Variants in LPIN2 observed in about 807,000 individuals in gnomAD.
LPIN2 encodes phosphatidate phosphatase LPIN2.
LPIN2 carries 55 observed loss-of-function variants against 111.4 expected under a neutral mutation model. The observed-to-expected ratio is 0.49, with a 90% CI of 0.40 to 0.62. The LOEUF (loss-of-function observed/expected upper bound fraction) is 0.62. Ranked by LOEUF, LPIN2 falls within the 20% of genes least tolerant of loss-of-function variation. The pLI is 0.00. For missense variants in LPIN2, 992 were observed against 1,112.1 expected, an observed-to-expected ratio of 0.89 and a Z score of 1.54; for synonymous variants, 425 against 414.0, an observed-to-expected ratio of 1.03 and a Z score of -0.32.
At chr18:2,977,448 A>T (rs1032396275) in intron 1 of LPIN2, among the ~76,000 whole-genome samples, 2 of 152,246 alleles carry the variant, frequency 1.3e-5, no homozygotes, top group Admixed American at 1.3e-4. Flanking sequence ...AACAATGTGC[A>T]TATCTATGGC....
intron 1 of LPIN2, among the ~76,000 whole-genome samples, chr18:2,989,699 A>T (rs3016724): frequency 0.91 from 139,051 of 152,094 alleles, 64,385 homozygotes; most frequent in East Asian, 1. Flanking sequence ...TGCGGGCAGA[A>T]CACTTGAGGT....
chr18:2,960,073 G>C (rs1296601014), intron 2 of LPIN2, among the ~76,000 whole-genome samples: 1 of 152,112 alleles, frequency 6.6e-6, no homozygotes, highest in Non-Finnish European at 1.5e-5. Context: ...GGGAGGCTGA[G>C]GCAGGAGAAT....
At chr18:2,947,278 G>C (rs527355114) in intron 4 of LPIN2, among the ~76,000 whole-genome samples, 9 of 151,546 alleles carry the variant, frequency 5.9e-5, no homozygotes, top group African/African-American at 2.2e-4. Context: ...TCAAGATTAT[G>C]CTAGAACACC....
chr18:2,967,792 T>G lies in LPIN2; in HGVS notation c.-9-6943A>C, dbSNP rs535193030. 1.1e-4 allele frequency: 16 copies of G among 152,346 alleles called. No individual in the cohort carries two copies. The South Asian group carries it at 3.3e-3, about 32-fold the overall frequency. The allele number at this position is 152,346 out of a possible 1,614,324, so 9.4% of individuals were successfully genotyped here. A position where few individuals can be genotyped will look rare whatever the true frequency, so the allele number is the denominator to read the frequency against. On this transcript the variant is annotated intron_variant, in intron 1 of 19. Coordinates refer to ENST00000677752, the MANE Select transcript of LPIN2 (RefSeq NM_001375808.2). Reference sequence around the variant, plus strand: ...AAATGCCTTACTTTGTACTTCCTGGTTATTTCTTTTCCCCGTCATAGTAGA... The same window carrying G: ...AAATGCCTTACTTTGTACTTCCTGGGTATTTCTTTTCCCCGTCATAGTAGA...
chr18:2,919,895 T>G lies in LPIN2; in HGVS notation c.*398A>C, dbSNP rs1598516251. The stretch of plus-strand genomic sequence containing the variant: ...CCCTGACATCTGAAGACAGCCCTGG[T>G]TACAGAAGCCACCTCAACTGCCCAG... On this transcript the variant is annotated 3_prime_UTR_variant, in exon 20 of 20. Transcript: ENST00000677752. 3.3e-6 allele frequency: 1 copy of G among 298,792 alleles called. No homozygotes were observed. Among genetic ancestry groups the G allele is most frequent in the East Asian group, 8.4e-5 (1 of 11,966 alleles). The allele number at this position is 298,792 out of a possible 1,614,324, so 18.5% of individuals were successfully genotyped here. A position where few individuals can be genotyped will look rare whatever the true frequency, so the allele number is the denominator to read the frequency against.
chr18:2,944,333 CTTTTTTTTTTTTTTTTTTTTTTTT>C (rs768515839), intron 4 of LPIN2, among the ~76,000 whole-genome samples: 1 of 51,304 alleles, frequency 1.9e-5, no homozygotes, highest in African/African-American at 6.7e-5. Flanking sequence ...TTTCCACAAA[CTTTTTTTTTTTTTTTTTTTTTTTT>C]TTTTTTTTTT....
chr18:2,994,798 G>A (rs1598607458), intron 1 of LPIN2, among the ~76,000 whole-genome samples: 1 of 152,266 alleles, frequency 6.6e-6, no homozygotes, highest in African/African-American at 2.4e-5. Flanking sequence ...GTCCCCGGCG[G>A]CGGGTGGGGG....
In LPIN2 at chr18:2,954,511, TC is replaced by T; in HGVS notation, c.280del (p.Glu94LysfsTer30). 1.9e-6 allele frequency: 3 copies of T among 1,612,730 alleles called. No individual in the cohort carries two copies. Among genetic ancestry groups the T allele is most frequent in the Non-Finnish European group, 2.5e-6 (3 of 1,178,694 alleles). ...TAACCCATGCAAACTTACATATTCT[TC>T]TTCAGTCTCCTCAACAAAGAAAGCT... ...GEAFFVEETE[E>X]EYEKLPAYLA... On this transcript the variant is annotated frameshift_variant, in exon 3 of 20. Transcript: ENST00000677752. LOFTEE classifies it high-confidence loss of function.
rs781443690 is a variant in LPIN2, at chr18:2,940,632, G to C, written c.671C>G (p.Ser224Cys). The part of the protein sequence containing the change: ...LFHSGDHYPL[S>C]DGDWSPLETT... ...CTCTAAAGGGGACCAATCTCCATCAGATAAGGGGTAATGATCCCCAGAATG... is the reference window on the plus strand; with the variant it reads ...CTCTAAAGGGGACCAATCTCCATCACATAAGGGGTAATGATCCCCAGAATG... Residue 224 changes from serine to cysteine, a missense_variant, in exon 5 of 20, where the codon TCT becomes TGT. Coordinates refer to ENST00000677752, the MANE Select transcript of LPIN2 (RefSeq NM_001375808.2). 3.7e-6 allele frequency: 6 copies of C among 1,612,450 alleles called. No homozygotes were observed. Among genetic ancestry groups the C allele is most frequent in the Non-Finnish European group, 2.5e-6 (3 of 1,178,704 alleles).
At chr18:2,931,721 C>A (rs1333605813) in intron 8 of LPIN2, among the ~76,000 whole-genome samples, 1 of 152,158 alleles carries the variant, frequency 6.6e-6, no homozygotes, top group Non-Finnish European at 1.5e-5. Context: ...AACATTTCAA[C>A]TGTGGCCTTT....
chr18:2,997,316 G>A (rs1013401615), intron 1 of LPIN2, among the ~76,000 whole-genome samples: 34 of 152,006 alleles, frequency 2.2e-4, no homozygotes, highest in African/African-American at 7.2e-4. Context: ...TAGTAGAGAT[G>A]GGGTTTTACT....
At position 2,939,196 on chromosome 18, in the gene LPIN2, T is replaced by C. The variant is rs570111060; in HGVS notation, c.822+284A>G. 5.3e-5 allele frequency among the ~76,000 whole-genome samples: 8 copies of C among 152,284 alleles called. No homozygotes were observed. In the East Asian group the frequency reaches 1.5e-3, roughly 29 times the overall value. The stretch of plus-strand genomic sequence containing the variant: ...AAAAATAAAAATTCAGTGTGAAAAT[T>C]TCAGTTTAAGATGCCTTTTAAAATG... On this transcript the variant is annotated intron_variant, in intron 6 of 19. Transcript: ENST00000677752.
chr18:2,972,062 C>CA (rs1803639657), intron 1 of LPIN2, among the ~76,000 whole-genome samples: 1 of 151,760 alleles, frequency 6.6e-6, no homozygotes, highest in Non-Finnish European at 1.5e-5. Context: ...CAAAACAAAA[C>CA]AAAAAAACAA....
intron 1 of LPIN2, among the ~76,000 whole-genome samples, chr18:3,007,590 A>G (rs1356226919): frequency 6.6e-6 from 1 of 152,262 alleles, no homozygotes; most frequent in Non-Finnish European, 1.5e-5. Flanking sequence ...AAAACAAACA[A>G]AAGATATATT....
At chr18:2,946,243 G>T in intron 4 of LPIN2, 1 of 1,553,634 alleles carries the variant, frequency 6.4e-7, no homozygotes, top group Non-Finnish European at 8.9e-7. Context: ...CTGTCTTAGG[G>T]GCTTGAATGT....
In LPIN2 at chr18:2,951,102, A is replaced by G; in HGVS notation, c.543T>C (p.Cys181=). 1 of 1,614,078 alleles carries G rather than the reference A, an allele frequency of 6.2e-7. No homozygotes were observed. The highest frequency in any genetic ancestry group is 1.1e-5 in the South Asian group (1 of 91,078). The change falls in exon 4 of 20, where the codon TGT becomes TGC. Residue 181 remains cysteine (C), a synonymous_variant. Coordinates refer to ENST00000677752, the MANE Select transcript of LPIN2 (RefSeq NM_001375808.2). The part of the protein sequence containing the change: ...QAASAAAEDT[C]DVGVSSDDDK... Reference sequence around the variant, plus strand: ...CATCATCGGAGCTCACGCCTACATCACATGTGTCTTCTGCAGCAGCAGATG... The same window carrying G: ...CATCATCGGAGCTCACGCCTACATCGCATGTGTCTTCTGCAGCAGCAGATG...
chr18:2,939,439 A>C lies in LPIN2; in HGVS notation c.822+41T>G, dbSNP rs764160584. The C allele has an allele frequency of 1.2e-5, 20 of 1,611,160 alleles. No homozygotes were observed. In the South Asian group the frequency reaches 1.5e-4, roughly 12 times the overall value. Reference sequence around the variant, plus strand: ...GGGCAGAGGAATTCGTCACTTGTTTAATCATTAACACACTTTCCACAGGCA... The same window carrying C: ...GGGCAGAGGAATTCGTCACTTGTTTCATCATTAACACACTTTCCACAGGCA... On this transcript the variant is annotated intron_variant, in intron 6 of 19. Coordinates refer to ENST00000677752, the MANE Select transcript of LPIN2 (RefSeq NM_001375808.2).
intron 1 of LPIN2, among the ~76,000 whole-genome samples, chr18:2,999,774 C>T (rs779013442): frequency 6.6e-6 from 1 of 152,172 alleles, no homozygotes; most frequent in Non-Finnish European, 1.5e-5. Context: ...TAAAAATAAA[C>T]ATCCAAGAAT....
At chr18:2,931,533 A>G (rs2077213680) in intron 8 of LPIN2, 90 bp from the exon 9 acceptor site, 4 of 1,274,066 alleles carry the variant, frequency 3.1e-6, no homozygotes, top group East Asian at 2.5e-5. Flanking sequence ...CTCAAACCAA[A>G]TAACACATCC....
Sources: gnomAD v4.1 joint callset for allele counts (sites outside exome capture counted in the v4.1 genomes callset) on GRCh38, gnomAD v4.1.1 for gene constraint, MANE v1.5 for transcripts, NCBI Gene and HGNC (gene_info 2026-07-23, HGNC 2026-07-21) for gene names.